The following GINS3 variants were observed in gnomAD, a reference collection of about 807,000 sequenced individuals.
GINS3 encodes the protein GINS complex subunit 3.
A neutral mutation model predicts 20.0 loss-of-function variants in GINS3; 18 were observed. The ratio of observed to expected loss-of-function variants is 0.90; its 90% CI spans 0.62 to 1.33. The LOEUF (loss-of-function observed/expected upper bound fraction) is 1.33, where lower values mean the gene tolerates loss of function less well. Ranked by LOEUF, GINS3 falls within the 40% of genes most tolerant of loss-of-function variation. GINS3 has a pLI of 0.00. For synonymous variants in GINS3, 109 were observed against 107.0 expected (o/e 1.02, Z -0.12); for missense variants, 254 against 273.6 (o/e 0.93, Z 0.51).
intron 1 of GINS3, among the ~76,000 whole-genome samples, chr16:58,396,084 G>A (rs1965851843): frequency 7.1e-6 from 1 of 141,782 alleles, no homozygotes; most frequent in East Asian, 2.2e-4. Flanking sequence ...GGCCGGGCGG[G>A]GGGCTGACTC....
chr16:58,404,946 C>G lies in GINS3; in HGVS notation c.*217C>G. ...CCGTCCCACCCTGCTGACCCACAGC[C>G]CAGGCCCTTTAACCCAAGAACCCAT... On this transcript the variant is annotated 3_prime_UTR_variant, in exon 3 of 3. Coordinates refer to ENST00000318129, the MANE Select transcript of GINS3 (RefSeq NM_022770.4). The G allele has an allele frequency of 1.8e-6, 1 of 545,846 alleles. No individual in the cohort carries two copies. The highest frequency in any genetic ancestry group is 3.3e-6 in the Non-Finnish European group (1 of 306,216). The allele number at this position is 545,846 out of a possible 1,614,324, so 33.8% of individuals were successfully genotyped here. A position where few individuals can be genotyped will look rare whatever the true frequency, so the allele number is the denominator to read the frequency against.
At chr16:58,396,744 C>T (rs1279106962) in intron 1 of GINS3, among the ~76,000 whole-genome samples, 9 of 124,662 alleles carry the variant, frequency 7.2e-5, no homozygotes, top group Admixed American at 1.5e-4. Flanking sequence ...CCGGACGGGG[C>T]GGCTGGCCGG....
chr16:58,396,624 C>A (rs1485203210), intron 1 of GINS3, among the ~76,000 whole-genome samples: 1 of 1,884 alleles, frequency 5.3e-4, no homozygotes, highest in African/African-American at 2.0e-3. Context: ...GCTGATCCCC[C>A]CACCTCCCTT....
rs529460599 is a variant in GINS3, at chr16:58,395,746, C to T, written c.186+2959C>T. ...ACGTCTACTTGTTTCTACACAGACA[C>T]AGCAACCATCCGATTTCTCAATCTT... On this transcript the variant is annotated intron_variant, in intron 1 of 2. Coordinates refer to ENST00000318129, the MANE Select transcript of GINS3 (RefSeq NM_022770.4). 4.6e-3 allele frequency among the ~76,000 whole-genome samples: 693 copies of T among 152,264 alleles called. 1 individual carries two copies. Among genetic ancestry groups the T allele is most frequent in the African/African-American group, 0.015 (631 of 41,548 alleles).
At chr16:58,402,461 C>T in intron 1 of GINS3, among the ~76,000 whole-genome samples, 1 of 152,148 alleles carries the variant, frequency 6.6e-6, no homozygotes, top group East Asian at 1.9e-4. Flanking sequence ...AACAGTTCTC[C>T]CTTGTGAGAG....
chr16:58,395,644 G>GC (rs1418454785), intron 1 of GINS3, among the ~76,000 whole-genome samples: 16 of 152,146 alleles, frequency 1.1e-4, no homozygotes, highest in Admixed American at 6.5e-5. Context: ...GCACAGGGTT[G>GC]GGGGTAAGGT....
chr16:58,396,766 AC>A (rs1283622471), intron 1 of GINS3, among the ~76,000 whole-genome samples: 1 of 96,926 alleles, frequency 1.0e-5, no homozygotes, highest in South Asian at 3.6e-4. Context: ...CGGGGGGCTG[AC>A]CCCCCCACCT....
chr16:58,403,222 C>G lies in GINS3; in HGVS notation c.311C>G (p.Pro104Arg). The G allele has an allele frequency of 6.2e-7, 1 of 1,614,122 alleles. No individual in the cohort carries two copies. The highest frequency in any genetic ancestry group is 1.3e-5 in the African/African-American group (1 of 75,022). ...EGWRTVFSAD[P>R]NVVDLHKMGP... ...TGGAGGACTGTGTTCAGTGCAGATC[C>G]CAATGTGGTGGACCTCCACAAAATG... is the stretch of plus-strand genomic sequence containing the variant. The change falls in exon 2 of 3, where the codon CCC (proline) becomes CGC (arginine). Residue 104 changes from proline to arginine, a missense_variant. Physicochemically the swap from Pro to Arg is moderately radical, Grantham distance 103. Coordinates refer to ENST00000318129, the MANE Select transcript of GINS3 (RefSeq NM_022770.4).
rs1351582533 is a variant in GINS3 at position 58,403,210 on chromosome 16, T to A, written c.299T>A (p.Phe100Tyr). ...KIYQEGWRTV[F>Y]SADPNVVDLH... Reference sequence around the variant, plus strand: ...TACCAAGAGGGTTGGAGGACTGTGTTCAGTGCAGATCCCAATGTGGTGGAC... The same window carrying A: ...TACCAAGAGGGTTGGAGGACTGTGTACAGTGCAGATCCCAATGTGGTGGAC... The change falls in exon 2 of 3, where the codon TTC becomes TAC. Residue 100 changes from phenylalanine to tyrosine, a missense_variant. By Grantham distance (22) the Phe-to-Tyr change is conservative. Coordinates refer to ENST00000318129, the MANE Select transcript of GINS3 (RefSeq NM_022770.4). The A allele has an allele frequency of 1.2e-6, 2 of 1,614,190 alleles. No individual in the cohort carries two copies. Among genetic ancestry groups the A allele is most frequent in the Non-Finnish European group, 1.7e-6 (2 of 1,180,032 alleles).
At chr16:58,402,482 T>TA (rs1347157973) in intron 1 of GINS3, among the ~76,000 whole-genome samples, 6 of 152,240 alleles carry the variant, frequency 3.9e-5, no homozygotes, top group Non-Finnish European at 8.8e-5. Flanking sequence ...TTTTGGCTCT[T>TA]ACTGCTTCAT....
chr16:58,402,602 A>G (rs1443890353), intron 1 of GINS3, among the ~76,000 whole-genome samples: 2 of 152,318 alleles, frequency 1.3e-5, no homozygotes, highest in East Asian at 3.9e-4. Context: ...TTTAAAAACT[A>G]GAGACATGTG....
At chr16:58,395,252 T>G (rs1208105768) in intron 1 of GINS3, 3 of 383,838 alleles carry the variant, frequency 7.8e-6, no homozygotes, top group Non-Finnish European at 1.4e-5. Context: ...ATTTTTGTAT[T>G]TTTTTTTTGT....
At chr16:58,403,657 G>A (rs972773846) in intron 2 of GINS3, 1 of 299,856 alleles carries the variant, frequency 3.3e-6, no homozygotes, top group African/African-American at 2.2e-5. Context: ...AGCACTTTGG[G>A]AGGCCAAGGC....
At chr16:58,393,714 C>G (rs1218010915) in intron 1 of GINS3, 1 of 151,878 alleles carries the variant, frequency 6.6e-6, no homozygotes, top group Non-Finnish European at 1.5e-5. Flanking sequence ...CCTGTAATCT[C>G]AGCTACTCTG....
At position 58,405,667 on chromosome 16, in the gene GINS3, A is replaced by C. The variant is rs947272506; in HGVS notation, c.*938A>C. 3 of 152,206 alleles carry C rather than the reference A, an allele frequency of 2.0e-5. No individual in the cohort carries two copies. The highest frequency in any genetic ancestry group is 2.9e-5 in the Non-Finnish European group (2 of 68,034). The allele number at this position is 152,206 out of a possible 1,614,324, so 9.4% of individuals were successfully genotyped here. A position where few individuals can be genotyped will look rare whatever the true frequency, so the allele number is the denominator to read the frequency against. On this transcript the variant is annotated 3_prime_UTR_variant, in exon 3 of 3. Transcript: ENST00000318129. Reference sequence around the variant, plus strand: ...TGTGCTTTTTTTTTCCTCTTCAGTAACTTTTGCAACATTATTGCATAGAAG... The same window carrying C: ...TGTGCTTTTTTTTTCCTCTTCAGTACCTTTTGCAACATTATTGCATAGAAG...
intron 1 of GINS3, among the ~76,000 whole-genome samples, chr16:58,398,851 G>A (rs932706500): frequency 2.0e-5 from 3 of 152,286 alleles, no homozygotes; most frequent in Non-Finnish European, 2.9e-5. Flanking sequence ...TTGCTCTATG[G>A]CAAAGCATAA....
At chr16:58,398,562 A>C (rs993860385) in intron 1 of GINS3, among the ~76,000 whole-genome samples, 1 of 152,216 alleles carries the variant, frequency 6.6e-6, no homozygotes, top group African/African-American at 2.4e-5. Context: ...GTGAGCCGTG[A>C]TCACACCACT....
intron 1 of GINS3, among the ~76,000 whole-genome samples, chr16:58,402,401 T>C (rs1965969003): frequency 6.6e-6 from 1 of 152,212 alleles, no homozygotes; most frequent in South Asian, 2.1e-4. Context: ...CCTGTGCAGT[T>C]TGCCAAAAGC....
rs745758555 is a variant in GINS3, at chr16:58,404,998, T to C, written c.*269T>C. On this transcript the variant is annotated 3_prime_UTR_variant, in exon 3 of 3. Coordinates refer to ENST00000318129, the MANE Select transcript of GINS3 (RefSeq NM_022770.4). ...GCCAAGGAGAAATCAAAGTCCTTCCTAAATAAGAATCACTGCCATATAATA... is the reference window on the plus strand; with the variant it reads ...GCCAAGGAGAAATCAAAGTCCTTCCCAAATAAGAATCACTGCCATATAATA... 6 of 421,170 alleles carry C rather than the reference T, an allele frequency of 1.4e-5. No homozygotes were observed. The highest frequency in any genetic ancestry group is 3.8e-5 in the Admixed American group (1 of 26,262). 26.1% of individuals were successfully genotyped at this position (421,170 alleles called of 1,614,324 possible). A position where few individuals can be genotyped will look rare whatever the true frequency, so the allele number is the denominator to read the frequency against.
Sources: gnomAD v4.1 joint callset for allele counts (sites outside exome capture counted in the v4.1 genomes callset) on GRCh38, gnomAD v4.1.1 for gene constraint, MANE v1.5 for transcripts, NCBI Gene and HGNC (gene_info 2026-07-23, HGNC 2026-07-21) for gene names.